Variants in GTPBP6 observed in about 807,000 individuals in gnomAD.
The protein encoded by GTPBP6 is GTP binding protein 6.
GTPBP6 carries 33 observed loss-of-function variants against 28.9 expected under a neutral mutation model. That is an observed-to-expected ratio of 1.14 (90% CI 0.87 to 1.53). The LOEUF is 1.53. GTPBP6 is among the 40% of genes most tolerant of loss of function. GTPBP6 has a pLI of 0.00. For synonymous variants in GTPBP6, 231 were observed against 192.7 expected (o/e 1.20, Z -1.65); for missense variants, 507 against 408.3 (o/e 1.24, Z -2.08).
chrX:316,816 G>T (rs2070448426), intron 2 of GTPBP6, 98 bp downstream of exon 2: 1 of 398,882 alleles, frequency 2.5e-6, no homozygotes, highest in African/African-American at 2.1e-5. Context: ...CTCTGGCCCC[G>T]CAAGACCCCC....
At chrX:312,633 C>G in intron 6 of GTPBP6, 133 bp downstream of exon 6, 1 of 936,062 alleles carries the variant, frequency 1.1e-6, no homozygotes, top group East Asian at 2.6e-5. Flanking sequence ...GGAACCCCCT[C>G]TCCTGGGCAC....
At chrX:311,922 G>T in intron 6 of GTPBP6, 1 of 589,910 alleles carries the variant, frequency 1.7e-6, no homozygotes, top group Non-Finnish European at 3.0e-6. Flanking sequence ...TGTAGATTTG[G>T]CAATGGCGTA....
intron 7 of GTPBP6, among the ~76,000 whole-genome samples, chrX:310,409 C>G (rs1345122965): frequency 8.4e-6 from 1 of 119,082 alleles, no homozygotes; most frequent in Admixed American, 7.8e-5. Context: ...CCTAGAGCCT[C>G]CAGAAGGAAC....
Position 314,238 on chromosome X carries a change from G to T in GTPBP6, c.690-21C>A, listed in dbSNP as rs770269705. On this transcript the variant is annotated intron_variant, in intron 4 of 9. Transcript: ENST00000326153. ...TCGACCTGGTGTGGGAACGGGAGTG[G>T]CTCGGTCTCTGCGGACGCTGTCTCC... The T allele has an allele frequency of 3.7e-6, 6 of 1,604,242 alleles. No individual in the cohort carries two copies. The Admixed American group carries it at 5.0e-5, about 13-fold the overall frequency.
chrX:305,093 C>T (rs748723717), exon 10 of GTPBP6: 29 of 1,613,046 alleles, frequency 1.8e-5, no homozygotes, highest in East Asian at 1.6e-4. Context: ...AAAGAGCTTC[C>T]GGAATTTGCC....
rs9782837 is a variant in GTPBP6, at chrX:306,901, A to C, written c.1427+459T>G. Among the ~76,000 whole-genome samples, 50 of 67,440 alleles carry C rather than the reference A, an allele frequency of 7.4e-4. 1 individual carries two copies. Among genetic ancestry groups the C allele is most frequent in the African/African-American group, 3.4e-3 (41 of 11,904 alleles). The allele number at this position is 67,440 out of a possible 152,430, so 44.2% of individuals were successfully genotyped here. On this transcript the variant is annotated intron_variant, in intron 9 of 9. Transcript: ENST00000326153. ...GTCAGAAATGTACATTTTGACTGTC[A>C]GCACAGATTAGGCACCTGTTGTATG...
At chrX:317,459 G>A (rs2070458227) in intron 1 of GTPBP6, among the ~76,000 whole-genome samples, 1 of 149,918 alleles carries the variant, frequency 6.7e-6, no homozygotes, top group Admixed American at 6.8e-5. Flanking sequence ...CACCCGTAAA[G>A]AAAAACCACT....
In GTPBP6 at chrX:314,174, C is replaced by CGA. The variant is rs1569353819; in HGVS notation, c.731_732dup (p.Gly245SerfsTer21). ...CCTGACCCCATGATGTAGCGCGAGC[C>CGA]GACTCCTCGGTACAGGTGGGCGACG... On this transcript the variant is annotated frameshift_variant, in exon 5 of 10. Coordinates refer to ENST00000326153, the Ensembl canonical transcript of GTPBP6. LOFTEE classifies it high-confidence loss of function. 1 of 1,613,060 alleles carries CGA rather than the reference C, an allele frequency of 6.2e-7. No homozygotes were observed. The highest frequency in any genetic ancestry group is 1.3e-5 in the African/African-American group (1 of 74,766).
rs763044251 is a variant in GTPBP6, at chrX:312,787, C to T, written c.895G>A (p.Val299Met). The T allele has an allele frequency of 1.2e-5, 20 of 1,612,328 alleles. 1 individual carries two copies. The highest frequency in any genetic ancestry group is 1.9e-4 in the Middle Eastern group (1 of 5,134). ...TCACCGCAGTTGGTGTACCCCACCA[C>T]GGAGATCACGGGGAACTCCCGCCTC... The change falls in exon 6 of 10, where the codon GTG (valine) becomes ATG (methionine). Residue 299 changes from valine to methionine, a missense_variant. Physicochemically the swap from Val to Met is conservative, Grantham distance 21. Transcript: ENST00000326153.
chrX:314,319 C>T (rs764476335), intron 4 of GTPBP6, 102 bp from the exon 5 acceptor site: 78 of 958,810 alleles, frequency 8.1e-5, no homozygotes, highest in Admixed American at 4.1e-4. Context: ...GCCTCTGGGC[C>T]GAAGGGAGGA....
chrX:316,798 C>T (rs1214860804), intron 2 of GTPBP6, 116 bp downstream of exon 2: 2 of 398,518 alleles, frequency 5.0e-6, no homozygotes, highest in East Asian at 7.1e-5. Flanking sequence ...TCCGAGAGGC[C>T]GCTTCCCCTC....
At chrX:307,646 T>A (rs1293594029) in intron 8 of GTPBP6, 86 bp downstream of exon 8, 3 of 1,428,028 alleles carry the variant, frequency 2.1e-6, no homozygotes, top group Non-Finnish European at 2.8e-6. Context: ...CCGCTGCGGT[T>A]CACACGAGGA....
At chrX:318,759 G>A (rs2070486594) in exon 1 of GTPBP6, 3 of 315,790 alleles carry the variant, frequency 9.5e-6, no homozygotes, top group Admixed American at 5.0e-5. Context: ...CCGCAGCCCC[G>A]GGCGTACGGC....
intron 2 of GTPBP6, among the ~76,000 whole-genome samples, chrX:316,454 C>T (rs2070442710): frequency 6.6e-6 from 1 of 152,132 alleles, no homozygotes; most frequent in Non-Finnish European, 1.5e-5. Flanking sequence ...GGGCAGCCGA[C>T]CCCCACCTGG....
rs768480201 is a variant in GTPBP6, at chrX:312,904, G to A, written c.778C>T (p.Gln260Ter). ...TCCTTCTCTCTCAGGAGACGCTGCT[G>A]CAGCTGCATGAAGGATTCTCCTAAA... The change falls in exon 6 of 10, where the codon CAG becomes TAG. Residue 260 changes from glutamine to a stop codon, truncating the protein, a stop_gained. Transcript: ENST00000326153. LOFTEE classifies it high-confidence loss of function. The A allele has an allele frequency of 6.2e-7, 1 of 1,612,342 alleles. No homozygotes were observed. Among genetic ancestry groups the A allele is most frequent in the Non-Finnish European group, 8.5e-7 (1 of 1,179,242 alleles).
chrX:318,342 C>T (rs2070478684), intron 1 of GTPBP6, 97 bp downstream of exon 1: 1 of 396,622 alleles, frequency 2.5e-6, no homozygotes, highest in Non-Finnish European at 4.4e-6. Flanking sequence ...CTTCAGAGCC[C>T]CGCCCCTGAA....
At chrX:305,260 GATAA>G in intron 9 of GTPBP6, 63 bp from the exon 10 acceptor site, 9 of 1,242,076 alleles carry the variant, frequency 7.2e-6, no homozygotes, top group South Asian at 3.6e-5. Flanking sequence ...TTAGTTTCAT[GATAA>G]ATAATTACGC....
chrX:311,671 C>T lies in GTPBP6; in HGVS notation c.917-44G>A, dbSNP rs746430693. On this transcript the variant is annotated intron_variant, in intron 6 of 9. Coordinates refer to ENST00000326153, the Ensembl canonical transcript of GTPBP6. ...CAGGGCGCTGCAGAGATCCCTGCGT[C>T]CCAACTCCTAGCGCCGCAGCCAGGC... 3 of 1,479,828 alleles carry T rather than the reference C, an allele frequency of 2.0e-6. 1 individual carries two copies. Among genetic ancestry groups the T allele is most frequent in the South Asian group, 2.3e-5 (2 of 88,444 alleles). The allele number at this position is 1,479,828 out of a possible 1,614,324, so 91.7% of individuals were successfully genotyped here.
rs1287121846 is a variant in GTPBP6, at chrX:307,595, C to T, written c.1275-83G>A. The T allele has an allele frequency of 1.1e-5, 17 of 1,494,808 alleles. No individual in the cohort carries two copies. In the South Asian group the frequency reaches 1.5e-4, roughly 13 times the overall value. 92.6% of individuals were successfully genotyped at this position (1,494,808 alleles called of 1,614,324 possible). On this transcript the variant is annotated intron_variant, in intron 8 of 9. Coordinates refer to ENST00000326153, the Ensembl canonical transcript of GTPBP6. The stretch of plus-strand genomic sequence containing the variant: ...AGGGTCCCCAGGAGTCCACTGCCCA[C>T]GGGGCACAGTCTGGGGCCACTCCCT...
Sources: allele counts gnomAD v4.1 joint callset (sites outside exome capture counted in the v4.1 genomes callset), GRCh38; gene constraint gnomAD v4.1.1; transcripts MANE v1.5; gene names NCBI Gene and HGNC (gene_info 2026-07-23, HGNC 2026-07-21).